SLC26A5: variants seen among roughly 807,000 people sequenced by gnomAD.
SLC26A5 encodes the protein prestin.
In SLC26A5, 51 loss-of-function variants were observed where a neutral mutation model predicts 81.0. That is an observed-to-expected ratio of 0.63 (90% CI 0.50 to 0.80). The LOEUF is 0.80. SLC26A5 is among the 30% of genes least tolerant of loss of function. SLC26A5 has a pLI of 0.00. For missense variants in SLC26A5, 771 were observed against 905.8 expected (o/e 0.85, Z 1.91); for synonymous variants, 325 against 332.8 (o/e 0.98, Z 0.25).
Position 103,411,548 on chromosome 7 carries a change from C to A in SLC26A5, c.442G>T (p.Ala148Ser). 1 of 1,614,174 alleles carries A rather than the reference C, an allele frequency of 6.2e-7. No homozygotes were observed. The highest frequency in any genetic ancestry group is 8.5e-7 in the Non-Finnish European group (1 of 1,180,028). The change falls in exon 6 of 20, where the codon GCT becomes TCT. Residue 148 changes from alanine to serine, a missense_variant. Physicochemically the swap from Ala to Ser is moderately conservative, Grantham distance 99. Transcript: ENST00000306312. ...ATATCATCTGGTACTAATCGAACAG[C>A]TACACCACCAATCATCAGGCTAATA... The part of the protein sequence containing the change: ...AVISLMIGGV[A>S]VRLVPDDIVI...
chr7:103,392,385 T>A (rs1399699015), intron 10 of SLC26A5, among the ~76,000 whole-genome samples: 1 of 152,192 alleles, frequency 6.6e-6, no homozygotes, highest in Non-Finnish European at 1.5e-5. Context: ...CAATATTTAA[T>A]GAACAAAGAT....
intron 19 of SLC26A5, chr7:103,369,123 G>C (rs1455033688): frequency 6.6e-6 from 1 of 152,140 alleles, no homozygotes; most frequent in Non-Finnish European, 1.5e-5. Context: ...CATAGAAAAT[G>C]CTGCTTTGCA....
chr7:103,404,205 G>T (rs1180820986), intron 8 of SLC26A5, among the ~76,000 whole-genome samples: 1 of 152,006 alleles, frequency 6.6e-6, no homozygotes, highest in Non-Finnish European at 1.5e-5. Context: ...ATATTGTTAT[G>T]TGTGAATTTG....
At chr7:103,388,890 G>T in intron 14 of SLC26A5, 118 bp downstream of exon 14, 1 of 733,226 alleles carries the variant, frequency 1.4e-6, no homozygotes, top group Admixed American at 2.0e-5. Flanking sequence ...TCCCTCTCAC[G>T]CTAACTAGAA....
At chr7:103,387,483 A>T (rs201340622) in intron 14 of SLC26A5, among the ~76,000 whole-genome samples, 1 of 152,184 alleles carries the variant, frequency 6.6e-6, no homozygotes, top group East Asian at 1.9e-4. Flanking sequence ...TGGCATTGGT[A>T]GAGTGGGTAG....
intron 19 of SLC26A5, among the ~76,000 whole-genome samples, chr7:103,365,741 A>T (rs1563496615): frequency 6.6e-6 from 1 of 152,260 alleles, no homozygotes; most frequent in Non-Finnish European, 1.5e-5. Context: ...CAGCCTGGCC[A>T]AGATGCTGAA....
At chr7:103,391,565 A>T in intron 11 of SLC26A5, 57 bp downstream of exon 11, 1 of 1,404,204 alleles carries the variant, frequency 7.1e-7, no homozygotes, top group Non-Finnish European at 1.0e-6. Flanking sequence ...TAATCAAAAG[A>T]TTAAAATTTA....
chr7:103,439,725 G>A (rs1826732116), intron 2 of SLC26A5, among the ~76,000 whole-genome samples: 1 of 152,144 alleles, frequency 6.6e-6, no homozygotes, highest in African/African-American at 2.4e-5. Context: ...GTAGAAATGG[G>A]ATTTCACCAT....
At chr7:103,374,674 G>T in intron 19 of SLC26A5, 82 bp from the exon 20 acceptor site, 16 of 1,155,114 alleles carry the variant, frequency 1.4e-5, no homozygotes, top group South Asian at 4.3e-5. Context: ...CTTCCATATA[G>T]TGTTTTTTTT....
chr7:103,407,801 G>C (rs761392941), intron 8 of SLC26A5, 50 bp downstream of exon 8: 188 of 1,601,824 alleles, frequency 1.2e-4, no homozygotes, highest in Non-Finnish European at 1.5e-4. Context: ...ACAGAAATAA[G>C]TAAATGCAGT....
At chr7:103,433,864 G>A (rs969165501) in intron 2 of SLC26A5, among the ~76,000 whole-genome samples, 4 of 151,526 alleles carry the variant, frequency 2.6e-5, no homozygotes, top group African/African-American at 4.8e-5. Context: ...CACCACACCC[G>A]GCTAATTTTT....
Position 103,377,590 on chromosome 7 carries a change from G to A in SLC26A5, c.1986+9C>T, listed in dbSNP as rs369930306. On this transcript the variant is annotated intron_variant, in intron 18 of 19. Coordinates refer to ENST00000306312, the MANE Select transcript of SLC26A5 (RefSeq NM_198999.3). The stretch of plus-strand genomic sequence containing the variant: ...AGGTATTAAATGACTCGTTCAAGAG[G>A]ATGCTTACCCCTGCCAGAGTTTTCA... The A allele has an allele frequency of 6.2e-7, 1 of 1,613,358 alleles. No individual in the cohort carries two copies. Among genetic ancestry groups the A allele is most frequent in the South Asian group, 1.1e-5 (1 of 91,058 alleles).
chr7:103,409,566 G>C (rs951531265), intron 7 of SLC26A5, among the ~76,000 whole-genome samples: 2 of 152,086 alleles, frequency 1.3e-5, no homozygotes, highest in Non-Finnish European at 2.9e-5. Flanking sequence ...ATTTCAACAT[G>C]ATCAGTTATT....
At position 103,374,497 on chromosome 7, in the gene SLC26A5, T is replaced by A; in HGVS notation, c.2137A>T (p.Ser713Cys). ...FHSIHDAVLG[S>C]QLREALAEQE... The stretch of plus-strand genomic sequence containing the variant: ...TCAGCAAGTGCCTCTCTAAGTTGGC[T>A]GCCTAAAACTGCATCATGAATGCTG... The change falls in exon 20 of 20, where the codon AGC (serine) becomes TGC (cysteine). Residue 713 changes from serine to cysteine, a missense_variant. Transcript: ENST00000306312. The A allele has an allele frequency of 6.2e-7, 1 of 1,613,934 alleles. No homozygotes were observed. Among genetic ancestry groups the A allele is most frequent in the African/African-American group, 1.3e-5 (1 of 75,038 alleles).
intron 9 of SLC26A5, among the ~76,000 whole-genome samples, chr7:103,397,179 G>T (rs1158214985): frequency 6.6e-6 from 1 of 151,056 alleles, no homozygotes; most frequent in Non-Finnish European, 1.5e-5. Context: ...AGCTGAGGCG[G>T]GCGGATCACC....
At chr7:103,355,048 T>TA (rs767387126) in intron 19 of SLC26A5, 27 of 790,180 alleles carry the variant, frequency 3.4e-5, no homozygotes, top group Middle Eastern at 2.6e-4. Context: ...ATTACAGATT[T>TA]AAAAAAAATC....
At chr7:103,417,850 G>A (rs1313239451) in intron 4 of SLC26A5, among the ~76,000 whole-genome samples, 1 of 152,182 alleles carries the variant, frequency 6.6e-6, no homozygotes, top group African/African-American at 2.4e-5. Flanking sequence ...CCAGGTTCAA[G>A]CGATTCTCCT....
At position 103,408,885 on chromosome 7, in the gene SLC26A5, G is replaced by A. The variant is rs930057578; in HGVS notation, c.736-882C>T. Among the ~76,000 whole-genome samples, 2 of 152,170 alleles carry A rather than the reference G, an allele frequency of 1.3e-5. 1 individual carries two copies. ...AGACTTCCCACTCAGCCCACAACAT[G>A]CACCCTTTCCTATCGATGCCTAGAG... On this transcript the variant is annotated intron_variant, in intron 7 of 19. Transcript: ENST00000306312.
At chr7:103,374,145 C>G, downstream of SLC26A5, 2 of 1,231,064 alleles carry the variant, frequency 1.6e-6, no homozygotes, top group South Asian at 4.6e-5. Context: ...GCTTAGCTTA[C>G]AAAGATAATA....
Sources: allele counts gnomAD v4.1 joint callset (sites outside exome capture counted in the v4.1 genomes callset), GRCh38; gene constraint gnomAD v4.1.1; transcripts MANE v1.5; gene names NCBI Gene and HGNC (gene_info 2026-07-23, HGNC 2026-07-21).